Variants in FAM185A observed in about 807,000 individuals in gnomAD.
The protein encoded by FAM185A is protein FAM185A.
Under a neutral mutation model 45.7 loss-of-function variants are expected in FAM185A, and 21 were observed. The ratio of observed to expected loss-of-function variants is 0.46; its 90% CI spans 0.33 to 0.66. The LOEUF (loss-of-function observed/expected upper bound fraction) is 0.66, where lower values mean the gene tolerates loss of function less well. Ranked by LOEUF, FAM185A falls within the 30% of genes least tolerant of loss-of-function variation. The pLI is 0.03. For synonymous variants in FAM185A, 117 were observed against 194.0 expected (o/e 0.60, Z 3.30); for missense variants, 305 against 485.4 (o/e 0.63, Z 3.49).
chr7:102,805,187 C>T lies in FAM185A; in HGVS notation c.1067-3103C>T, dbSNP rs185654616. 1.3e-4 allele frequency among the ~76,000 whole-genome samples: 20 copies of T among 152,238 alleles called. No individual in the cohort carries two copies. The East Asian group carries it at 3.5e-3, about 26-fold the overall frequency. On this transcript the variant is annotated intron_variant, in intron 7 of 7. Coordinates refer to ENST00000413034, the MANE Select transcript of FAM185A (RefSeq NM_001145268.2). ...CAGCAGTCCCACTACTGGGTATCTA[C>T]CCAGAGGAAAAGAAGTCATTGTACG...
At chr7:102,844,265 G>A in the FAM185A span, among the ~76,000 whole-genome samples, 1 of 152,140 alleles carries the variant, frequency 6.6e-6, no homozygotes. Context: ...CTATGTTTGG[G>A]TTTGGAGAAC....
chr7:102,830,459 G>A, the FAM185A span, among the ~76,000 whole-genome samples: 502 of 152,322 alleles, frequency 3.3e-3, 8 homozygotes, highest in African/African-American at 0.012. Flanking sequence ...GTTGGTCAGC[G>A]CTTCTAGTGT....
intron 6 of FAM185A, among the ~76,000 whole-genome samples, chr7:102,782,688 G>A (rs973272559): frequency 2.0e-5 from 3 of 152,282 alleles, no homozygotes; most frequent in African/African-American, 7.2e-5. Flanking sequence ...ACCAGCCACT[G>A]CAAAAACATG....
the FAM185A span, among the ~76,000 whole-genome samples, chr7:102,838,822 C>T: frequency 2.6e-5 from 4 of 152,302 alleles, no homozygotes; most frequent in African/African-American, 9.6e-5. Context: ...GGGACCTCTG[C>T]CCTGGAAAGC....
chr7:102,798,640 T>C (rs1796585719), intron 7 of FAM185A, among the ~76,000 whole-genome samples: 1 of 152,176 alleles, frequency 6.6e-6, no homozygotes, highest in Non-Finnish European at 1.5e-5. Context: ...TGATGCTTTA[T>C]TATTGGTGCT....
the FAM185A span, among the ~76,000 whole-genome samples, chr7:102,816,725 C>T: frequency 6.6e-6 from 1 of 152,184 alleles, no homozygotes; most frequent in Non-Finnish European, 1.5e-5. Flanking sequence ...AAATAGTGAA[C>T]ATAATGCCCA....
At chr7:102,788,677 T>C (rs993126533) in intron 7 of FAM185A, among the ~76,000 whole-genome samples, 4 of 152,228 alleles carry the variant, frequency 2.6e-5, no homozygotes, top group African/African-American at 9.6e-5. Flanking sequence ...ATGACAGAGA[T>C]ACATTCTGAG....
chr7:102,773,933 G>A (rs370854764), intron 5 of FAM185A, among the ~76,000 whole-genome samples: 5 of 152,150 alleles, frequency 3.3e-5, no homozygotes, highest in African/African-American at 1.2e-4. Flanking sequence ...TGTAAATCAG[G>A]TAGTTGAAGT....
rs1012660014 is a variant in FAM185A at position 102,809,217 on chromosome 7, T to C, written c.*815T>C. 6.6e-6 allele frequency: 1 copy of C among 152,226 alleles called. No individual in the cohort carries two copies. Among genetic ancestry groups the C allele is most frequent in the African/African-American group, 2.4e-5 (1 of 41,448 alleles). 9.4% of individuals were successfully genotyped at this position (152,226 alleles called of 1,614,324 possible). A position where few individuals can be genotyped will look rare whatever the true frequency, so the allele number is the denominator to read the frequency against. ...TTAAGCTGTAAATAAAAAACAAATATGTGAAGCAGTTGCTACTGATTCTTA... is the reference window on the plus strand; with the variant it reads ...TTAAGCTGTAAATAAAAAACAAATACGTGAAGCAGTTGCTACTGATTCTTA... On this transcript the variant is annotated 3_prime_UTR_variant, in exon 8 of 8. Transcript: ENST00000413034.
At chr7:102,789,632 C>T (rs1796031175) in intron 7 of FAM185A, among the ~76,000 whole-genome samples, 1 of 152,294 alleles carries the variant, frequency 6.6e-6, no homozygotes, top group Non-Finnish European at 1.5e-5. Context: ...TCCCTTGAAC[C>T]CAGGAGGCAG....
chr7:102,794,466 T>C (rs1371952599), intron 7 of FAM185A, among the ~76,000 whole-genome samples: 1 of 152,180 alleles, frequency 6.6e-6, no homozygotes, highest in African/African-American at 2.4e-5. Flanking sequence ...AAATACTACA[T>C]ACTTACTAGA....
At chr7:102,810,795 A>G (rs1187659705), downstream of FAM185A, among the ~76,000 whole-genome samples, 14 of 151,108 alleles carry the variant, frequency 9.3e-5, no homozygotes, top group Admixed American at 9.2e-4. Flanking sequence ...TACTATGTTC[A>G]TCAGGTCTCG....
At chr7:102,833,623 G>T in the FAM185A span, among the ~76,000 whole-genome samples, 1 of 150,528 alleles carries the variant, frequency 6.6e-6, no homozygotes, top group Non-Finnish European at 1.5e-5. Flanking sequence ...GTAGAGATGG[G>T]GTTTCTCTAG....
intron 5 of FAM185A, among the ~76,000 whole-genome samples, chr7:102,776,116 A>ACATATAC: frequency 1.3e-4 from 16 of 126,540 alleles, no homozygotes; most frequent in Middle Eastern, 3.7e-3. Context: ...ACACACACAC[A>ACATATAC]AATGTTTTCT....
chr7:102,828,634 A>G, the FAM185A span, among the ~76,000 whole-genome samples: 3 of 152,208 alleles, frequency 2.0e-5, no homozygotes, highest in Admixed American at 2.0e-4. Context: ...CATCTGTAAA[A>G]TGAGGGTAAT....
At chr7:102,845,999 A>AACCT in the FAM185A span, among the ~76,000 whole-genome samples, 2 of 152,210 alleles carry the variant, frequency 1.3e-5, no homozygotes, top group African/African-American at 4.8e-5. Flanking sequence ...AGAAGTTTTT[A>AACCT]ACCTCTTGGA....
At chr7:102,849,061 A>G in the FAM185A span, among the ~76,000 whole-genome samples, 21 of 152,326 alleles carry the variant, frequency 1.4e-4, no homozygotes, top group Admixed American at 9.8e-4. Context: ...AAAACAACTT[A>G]TTAAGATGGA....
chr7:102,766,610 C>A (rs1343969885), intron 4 of FAM185A, among the ~76,000 whole-genome samples: 1 of 138,604 alleles, frequency 7.2e-6, no homozygotes, highest in African/African-American at 3.3e-5. Context: ...AAATAATATA[C>A]AATTTTAAAA....
chr7:102,758,427 CTTTTTTTTTTTTTTTT>C (rs869220298), intron 3 of FAM185A, among the ~76,000 whole-genome samples: 1 of 45,900 alleles, frequency 2.2e-5, no homozygotes, highest in East Asian at 7.6e-4. Context: ...GCTCTCACAG[CTTTTTTTTTTTTTTTT>C]TTTTTTTTTT....
Sources: gnomAD v4.1 joint callset for allele counts (sites outside exome capture counted in the v4.1 genomes callset) on GRCh38, gnomAD v4.1.1 for gene constraint, MANE v1.5 for transcripts, NCBI Gene and HGNC (gene_info 2026-07-23, HGNC 2026-07-21) for gene names.